MSL3: variants seen among roughly 807,000 people sequenced by gnomAD.
MSL3 encodes MSL3-like 1.
A neutral mutation model predicts 37.2 loss-of-function variants in MSL3; 5 were observed. That is an observed-to-expected ratio of 0.13 (90% CI 0.07 to 0.28). The LOEUF (loss-of-function observed/expected upper bound fraction) is 0.28, where lower values mean the gene tolerates loss of function less well. MSL3 is among the 10% of genes least tolerant of loss of function. The pLI, the probability that MSL3 is intolerant of heterozygous loss-of-function variation, is 1.00. For synonymous variants in MSL3, 149 were observed against 147.6 expected (o/e 1.01, Z -0.07); for missense variants, 315 against 408.5 (o/e 0.77, Z 1.97).
chrX:11,766,610 T>G, intron 9 of MSL3: 2 of 754,534 alleles, frequency 2.7e-6, no homozygotes, highest in Non-Finnish European at 3.1e-6. Context: ...ATGTGTGAAA[T>G]GGAAAGTTGA....
At chrX:11,759,639 A>G in intron 1 of MSL3, 154 bp from the exon 2 acceptor site, 1 of 1,088,785 alleles carries the variant, frequency 9.2e-7, no homozygotes. Context: ...CACTTGGGGG[A>G]AAAAAATGAA....
Position 11,763,766 on chromosome X carries a change from T to C in MSL3, c.750-14T>C, listed in dbSNP as rs758054806. On this transcript the variant is annotated splice_polypyrimidine_tract_variant and intron_variant, in intron 7 of 12. Coordinates refer to ENST00000312196, the MANE Select transcript of MSL3 (RefSeq NM_078629.4). ...TTACTTGTGTCTCTAATCTCTTCTT[T>C]TTAATCCTCCCAGTGTTGACCTTTG... 1 of 1,180,426 alleles carries C rather than the reference T, an allele frequency of 8.5e-7. No individual in the cohort carries two copies. The highest frequency in any genetic ancestry group is 1.1e-6 in the Non-Finnish European group (1 of 879,537).
chrX:11,775,517 A>G lies in MSL3; in HGVS notation c.*438A>G, dbSNP rs1222854599. ...GTTTAGTTTGTACTCGGAAACCACA[A>G]AGTAGTCTCAAAGTATTTTAGAGGG... On this transcript the variant is annotated 3_prime_UTR_variant, in exon 13 of 13. Coordinates refer to ENST00000312196, the MANE Select transcript of MSL3 (RefSeq NM_078629.4). 2 of 114,671 alleles carry G rather than the reference A, an allele frequency of 1.7e-5. No individual in the cohort carries two copies. Among genetic ancestry groups the G allele is most frequent in the African/African-American group, 6.4e-5 (2 of 31,065 alleles). The allele number at this position is 114,671 out of a possible 1,213,427, so 9.5% of individuals were successfully genotyped here.
At chrX:11,768,794 CATT>C (rs755979069) in intron 10 of MSL3, 112 bp downstream of exon 10, 4 of 513,872 alleles carry the variant, frequency 7.8e-6, no homozygotes, top group South Asian at 6.3e-5. Flanking sequence ...TTACTGTAAA[CATT>C]ATCAAAATTG....
rs756049811 is a variant in MSL3, at chrX:11,769,934, AG to A, written c.1281+1253del. ...GCAAAGAGCACTTGATGATGGGAAG[AG>A]AAGTCACAAAACTTTCTTCCAGACG... On this transcript the variant is annotated intron_variant, in intron 10 of 12. Transcript: ENST00000312196. Among the ~76,000 whole-genome samples the A allele has an allele frequency of 7.1e-5, 8 of 112,724 alleles. No homozygotes were observed. The East Asian group carries it at 1.7e-3, about 24-fold the overall frequency.
At chrX:11,761,086 A>G in intron 4 of MSL3, 149 bp downstream of exon 4, 1 of 447,931 alleles carries the variant, frequency 2.2e-6, no homozygotes, top group Admixed American at 4.6e-5. Context: ...AGTAGCAGTC[A>G]ATATAAGTCA....
At position 11,774,964 on chromosome X, in the gene MSL3, T is replaced by A. The variant is rs1569097713; in HGVS notation, c.1467-16T>A. ...TCCTTAGTATGGTGCTCATTGGGGC[T>A]ATTTTTTTTTTCCAGGTTTTTAGCA... On this transcript the variant is annotated splice_polypyrimidine_tract_variant and intron_variant, in intron 12 of 12. Transcript: ENST00000312196. 8.8e-7 allele frequency: 1 copy of A among 1,142,654 alleles called. No homozygotes were observed. Among genetic ancestry groups the A allele is most frequent in the South Asian group, 1.8e-5 (1 of 54,241 alleles). The allele number at this position is 1,142,654 out of a possible 1,213,427, so 94.2% of individuals were successfully genotyped here. A position where few individuals can be genotyped will look rare whatever the true frequency, so the allele number is the denominator to read the frequency against.
intron 11 of MSL3, 101 bp from the exon 12 acceptor site, chrX:11,772,520 T>C: frequency 5.4e-6 from 3 of 557,338 alleles, no homozygotes; most frequent in Middle Eastern, 5.5e-4. Flanking sequence ...TAATTTCAGT[T>C]CCAGTAGAGA....
intron 12 of MSL3, among the ~76,000 whole-genome samples, chrX:11,773,742 C>T (rs1318375989): frequency 8.9e-6 from 1 of 111,920 alleles, no homozygotes; most frequent in East Asian, 2.8e-4. Flanking sequence ...ATGCCTAATA[C>T]AAAATAGAAA....
chrX:11,772,226 A>G lies in MSL3; in HGVS notation c.1352A>G (p.Tyr451Cys). The G allele has an allele frequency of 8.3e-7, 1 of 1,206,724 alleles. No individual in the cohort carries two copies. Among genetic ancestry groups the G allele is most frequent in the South Asian group, 1.8e-5 (1 of 56,665 alleles). ...CAGCCGCCTCCACCCTCTTACATTT[A>G]TGGGGCACAACATTTGCTGCGATTG... ...GDQPPPPSYI[Y>C]GAQHLLRLFV... Residue 451 changes from tyrosine to cysteine, a missense_variant, in exon 11 of 13, where the codon TAT (tyrosine) becomes TGT (cysteine). Transcript: ENST00000312196.
intron 12 of MSL3, among the ~76,000 whole-genome samples, chrX:11,774,502 G>A (rs1011642843): frequency 9.0e-6 from 1 of 110,860 alleles, no homozygotes; most frequent in Non-Finnish European, 1.9e-5. Context: ...TGTGTTTTTA[G>A]TAGAGACGGG....
chrX:11,766,816 C>A, intron 9 of MSL3: 1 of 754,467 alleles, frequency 1.3e-6, no homozygotes, highest in Non-Finnish European at 1.6e-6. Context: ...AGCTCAGCTG[C>A]TCGCAGGCTG....
At chrX:11,760,033 A>G in intron 2 of MSL3, 158 bp downstream of exon 2, 2 of 591,964 alleles carry the variant, frequency 3.4e-6, no homozygotes, top group Non-Finnish European at 5.0e-6. Flanking sequence ...AAACACTTGT[A>G]GAGAAGTTTG....
intron 9 of MSL3, chrX:11,767,089 A>T: frequency 1.6e-5 from 12 of 754,126 alleles, no homozygotes; most frequent in Non-Finnish European, 1.9e-5. Flanking sequence ...TCCCTGCCAC[A>T]TCCATAAGCT....
chrX:11,759,350 A>AGGGG (rs371619058), intron 1 of MSL3, among the ~76,000 whole-genome samples: 5 of 102,459 alleles, frequency 4.9e-5, no homozygotes, highest in African/African-American at 1.8e-4. Flanking sequence ...CTCGGGGCGG[A>AGGGG]GGGGGGGGGG....
intron 5 of MSL3, 99 bp downstream of exon 5, chrX:11,761,681 A>G: frequency 2.1e-6 from 1 of 465,829 alleles, no homozygotes; most frequent in Non-Finnish European, 3.4e-6. Context: ...TTCTAAAGAT[A>G]CATCTTTTAA....
chrX:11,768,941 A>G, intron 10 of MSL3: 1 of 280,279 alleles, frequency 3.6e-6, no homozygotes, highest in East Asian at 7.4e-5. Context: ...ACTTTATAGA[A>G]CAGATGTCAA....
At chrX:11,768,737 A>G (rs765935856) in intron 10 of MSL3, 55 bp downstream of exon 10, 197 of 796,991 alleles carry the variant, frequency 2.5e-4, no homozygotes, top group South Asian at 1.0e-3. Context: ...GATTACTTCA[A>G]TTCTATAGGT....
At chrX:11,764,006 A>C in intron 8 of MSL3, 68 bp downstream of exon 8, 1 of 968,301 alleles carries the variant, frequency 1.0e-6, no homozygotes, top group Non-Finnish European at 1.4e-6. Flanking sequence ...CTTGTTTTGA[A>C]GAGTTCAATC....
Sources: gnomAD v4.1 joint callset for allele counts (sites outside exome capture counted in the v4.1 genomes callset) on GRCh38, gnomAD v4.1.1 for gene constraint, MANE v1.5 for transcripts, NCBI Gene and HGNC (gene_info 2026-07-23, HGNC 2026-07-21) for gene names.